OXR1: variants seen among roughly 807,000 people sequenced by gnomAD.
OXR1 encodes the protein oxidation resistance protein 1.
A neutral mutation model predicts 104.6 loss-of-function variants in OXR1; 41 were observed. The ratio of observed to expected loss-of-function variants is 0.39; its 90% CI spans 0.31 to 0.51. The LOEUF (loss-of-function observed/expected upper bound fraction) is 0.51, where lower values mean the gene tolerates loss of function less well. Among genes scored for constraint, OXR1 ranks in the 20% least tolerant of loss-of-function variants. The probability of loss-of-function intolerance (pLI) is 0.77; values close to 1 mark genes in which losing one functional copy is unlikely to be tolerated. For synonymous variants in OXR1, 348 were observed against 348.4 expected, an observed-to-expected ratio of 1.00 and a Z score of 0.01; for missense variants, 955 against 1,031.9, an observed-to-expected ratio of 0.93 and a Z score of 1.02.
At chr8:106,624,072 C>T (rs1193755010) in intron 3 of OXR1, among the ~76,000 whole-genome samples, 2 of 152,188 alleles carry the variant, frequency 1.3e-5, no homozygotes, top group African/African-American at 4.8e-5. Flanking sequence ...TGTGTGTTTT[C>T]TTTCCTCTCC....
intron 2 of OXR1, among the ~76,000 whole-genome samples, chr8:106,512,294 A>G (rs1812583970): frequency 6.6e-6 from 1 of 152,278 alleles, no homozygotes; most frequent in East Asian, 1.9e-4. Context: ...TTCTCAATGT[A>G]CACAGTGGGA....
chr8:106,392,557 T>C (rs1817625028), intron 2 of OXR1, among the ~76,000 whole-genome samples: 1 of 152,178 alleles, frequency 6.6e-6, no homozygotes. Context: ...ATGGAAAACC[T>C]GTTGCTTATG....
At chr8:106,694,929 A>ATATATATATAAATATAAAATATT (rs1563717187) in intron 7 of OXR1, among the ~76,000 whole-genome samples, 2 of 106,750 alleles carry the variant, frequency 1.9e-5, no homozygotes, top group Non-Finnish European at 4.6e-5. Flanking sequence ...ATATATATTT[A>ATATATATATAAATATAAAATATT]TATATATATA....
chr8:106,420,752 G>GTGTGTA (rs1413126068), intron 2 of OXR1, among the ~76,000 whole-genome samples: 2 of 151,866 alleles, frequency 1.3e-5, no homozygotes, highest in Admixed American at 6.6e-5. Context: ...GTGTGTGTGT[G>GTGTGTA]TGTGTGTTAG....
intron 3 of OXR1, among the ~76,000 whole-genome samples, chr8:106,614,874 T>C (rs1821091050): frequency 6.6e-6 from 1 of 152,252 alleles, no homozygotes; most frequent in African/African-American, 2.4e-5. Flanking sequence ...AATGCAAATG[T>C]AGATAGTATT....
chr8:106,467,659 G>T (rs1441659075), intron 2 of OXR1, among the ~76,000 whole-genome samples: 1 of 151,750 alleles, frequency 6.6e-6, no homozygotes, highest in Non-Finnish European at 1.5e-5. Context: ...ATTGTTCCTG[G>T]CAAATACACT....
intron 1 of OXR1, among the ~76,000 whole-genome samples, chr8:106,271,149 A>G (rs1395771169): frequency 1.3e-5 from 2 of 151,790 alleles, no homozygotes; most frequent in African/African-American, 4.8e-5. Flanking sequence ...TAGGGCCTGA[A>G]AGGTTCAGGA....
chr8:106,376,071 A>T (rs1816895236), intron 2 of OXR1, among the ~76,000 whole-genome samples: 1 of 151,940 alleles, frequency 6.6e-6, no homozygotes, highest in African/African-American at 2.4e-5. Flanking sequence ...CTGGTCTCAA[A>T]CTCCTGGGCT....
chr8:106,684,597 T>A (rs1395937012), intron 6 of OXR1, among the ~76,000 whole-genome samples: 2 of 152,214 alleles, frequency 1.3e-5, no homozygotes, highest in Non-Finnish European at 2.9e-5. Flanking sequence ...CATCAACTCT[T>A]ATTTTTTAAA....
At chr8:106,653,079 A>ATATATATAT (rs1393545322) in intron 3 of OXR1, among the ~76,000 whole-genome samples, 10 of 107,868 alleles carry the variant, frequency 9.3e-5, no homozygotes, top group East Asian at 3.8e-4. Context: ...TAGAAAAAAA[A>ATATATATAT]AAAAATATAT....
At chr8:106,574,749 T>G (rs111650101) in intron 3 of OXR1, among the ~76,000 whole-genome samples, 115 of 152,336 alleles carry the variant, frequency 7.5e-4, no homozygotes, top group African/African-American at 2.6e-3. Flanking sequence ...GAACATAAGA[T>G]TCTTATACAC....
chr8:106,704,446 A>T (rs1212786519), intron 8 of OXR1, among the ~76,000 whole-genome samples: 1 of 112,850 alleles, frequency 8.9e-6, no homozygotes, highest in Non-Finnish European at 1.6e-5. Flanking sequence ...TCGCTCTATC[A>T]CCCAGGCTGG....
At chr8:106,710,287 TTA>T (rs551404717) in intron 9 of OXR1, among the ~76,000 whole-genome samples, 1 of 150,100 alleles carries the variant, frequency 6.7e-6, no homozygotes, top group African/African-American at 2.4e-5. Context: ...ATGTAGAAAA[TTA>T]TATATATATT....
intron 2 of OXR1, among the ~76,000 whole-genome samples, chr8:106,380,337 G>A (rs182244865): frequency 2.0e-4 from 30 of 152,142 alleles, no homozygotes; most frequent in African/African-American, 7.0e-4. Flanking sequence ...TCCATTGAAT[G>A]GATATACCAT....
intron 3 of OXR1, among the ~76,000 whole-genome samples, chr8:106,673,825 C>T (rs1188543013): frequency 2.7e-4 from 41 of 152,316 alleles, no homozygotes; most frequent in Admixed American, 2.7e-3. Flanking sequence ...GATACAAGTC[C>T]TAAGCCTTGG....
intron 2 of OXR1, among the ~76,000 whole-genome samples, chr8:106,426,109 T>C (rs946733651): frequency 6.6e-6 from 1 of 152,162 alleles, no homozygotes. Flanking sequence ...GACTCCTGCT[T>C]ACTGTCTATG....
chr8:106,294,098 A>G (rs1271069151), intron 1 of OXR1, among the ~76,000 whole-genome samples: 1 of 151,408 alleles, frequency 6.6e-6, no homozygotes, highest in African/African-American at 2.4e-5. Context: ...TTGCATTGCA[A>G]TAAAGAAAGG....
rs544398038 is a variant in OXR1, at chr8:106,701,903, C to T, written c.676-1003C>T. On this transcript the variant is annotated intron_variant, in intron 7 of 16. Transcript: ENST00000517566. ...GTTAGTATGATCAGCTGCCTGTGGA[C>T]CCTAGTTTGCTCATTTATAAAGTAA... 4.1e-4 allele frequency among the ~76,000 whole-genome samples: 63 copies of T among 152,276 alleles called. 1 individual carries two copies. Among genetic ancestry groups the T allele is most frequent in the South Asian group, 6.2e-4 (3 of 4,826 alleles).
At position 106,742,275 on chromosome 8, in the gene OXR1, T is replaced by C. The variant is rs778378446; in HGVS notation, c.2370T>C (p.Gly790=). Residue 790 remains glycine, a synonymous_variant, in exon 15 of 17, where the codon GGT becomes GGC. Coordinates refer to ENST00000517566, the MANE Select transcript of OXR1 (RefSeq NM_001198533.2). ...EPLKVSDGFY[G]TGETFVFTFC... is the part of the protein sequence containing the mutation. ...TGAAAGTGAGTGATGGCTTTTATGG[T>C]ACTGGAGAGACCTTTGTTTTTACAT... 5 of 1,611,234 alleles carry C rather than the reference T, an allele frequency of 3.1e-6. No individual in the cohort carries two copies. The highest frequency in any genetic ancestry group is 8.5e-7 in the Non-Finnish European group (1 of 1,177,798).
Sources: gnomAD v4.1 joint callset for allele counts (sites outside exome capture counted in the v4.1 genomes callset) on GRCh38, gnomAD v4.1.1 for gene constraint, MANE v1.5 for transcripts, NCBI Gene and HGNC (gene_info 2026-07-23, HGNC 2026-07-21) for gene names.